The following GPC6 variants were observed in gnomAD, a reference collection of about 807,000 sequenced individuals.
The protein encoded by GPC6 is glypican-6.
A neutral mutation model predicts 55.2 loss-of-function variants in GPC6; 14 were observed. The ratio of observed to expected loss-of-function variants is 0.25; its 90% confidence interval spans 0.17 to 0.40. The LOEUF (loss-of-function observed/expected upper bound fraction) is 0.40, where lower values mean the gene tolerates loss of function less well. Ranked by LOEUF, GPC6 falls within the 10% of genes least tolerant of loss-of-function variation. The pLI, the probability that GPC6 is intolerant of heterozygous loss-of-function variation, is 1.00. For synonymous variants in GPC6, 278 were observed against 259.6 expected, an observed-to-expected ratio of 1.07 and a Z score of -0.68; for missense variants, 641 against 708.5, an observed-to-expected ratio of 0.90 and a Z score of 1.08.
intron 1 of GPC6, among the ~76,000 whole-genome samples, chr13:93,388,177 G>T (rs1011385810): frequency 6.6e-6 from 1 of 152,118 alleles, no homozygotes; most frequent in African/African-American, 2.4e-5. Flanking sequence ...TTTAAACCTA[G>T]GGCTTCTTGG....
At chr13:93,828,563 G>A (rs527415336) in intron 2 of GPC6, among the ~76,000 whole-genome samples, 1 of 151,922 alleles carries the variant, frequency 6.6e-6, no homozygotes, top group African/African-American at 2.4e-5. Flanking sequence ...TTTCTTTACC[G>A]AATCCCTAAA....
At chr13:93,723,546 T>A (rs1441499607) in intron 2 of GPC6, among the ~76,000 whole-genome samples, 1 of 152,028 alleles carries the variant, frequency 6.6e-6, no homozygotes, top group Non-Finnish European at 1.5e-5. Context: ...AGGAGTCAAC[T>A]AAGCCACACT....
chr13:93,270,739 C>T (rs968605839), intron 1 of GPC6, among the ~76,000 whole-genome samples: 4 of 138,992 alleles, frequency 2.9e-5, no homozygotes, highest in African/African-American at 8.0e-5. Flanking sequence ...AAAAAAAAAG[C>T]TCCAAGTGGA....
intron 1 of GPC6, among the ~76,000 whole-genome samples, chr13:93,488,308 T>A (rs1452107648): frequency 1.3e-5 from 2 of 152,206 alleles, no homozygotes; most frequent in African/African-American, 2.4e-5. Context: ...CTCATCCTTC[T>A]TTATGGCTGC....
chr13:94,332,617 G>T (rs1276047465), intron 6 of GPC6, among the ~76,000 whole-genome samples: 3 of 152,208 alleles, frequency 2.0e-5, no homozygotes, highest in Non-Finnish European at 4.4e-5. Context: ...CTTCTGAGTA[G>T]AGCTCAAAAC....
At chr13:94,243,479 G>C (rs1455773206) in intron 4 of GPC6, among the ~76,000 whole-genome samples, 1 of 152,046 alleles carries the variant, frequency 6.6e-6, no homozygotes, top group Non-Finnish European at 1.5e-5. Flanking sequence ...CCTTTGACAG[G>C]AGCACAATCA....
chr13:94,300,435 C>A (rs761580027), intron 5 of GPC6, among the ~76,000 whole-genome samples: 1 of 152,162 alleles, frequency 6.6e-6, no homozygotes, highest in Non-Finnish European at 1.5e-5. Flanking sequence ...ATCACCACAC[C>A]TCCTCTTCCT....
chr13:94,379,069 A>C (rs1037974748), intron 6 of GPC6, among the ~76,000 whole-genome samples: 37 of 152,290 alleles, frequency 2.4e-4, no homozygotes, highest in African/African-American at 8.4e-4. Flanking sequence ...CCAAAAAAAC[A>C]AAAAAACAAA....
chr13:94,282,747 G>A (rs1385487288), intron 4 of GPC6, among the ~76,000 whole-genome samples: 1 of 152,166 alleles, frequency 6.6e-6, no homozygotes, highest in Admixed American at 6.5e-5. Context: ...CCCTACACAT[G>A]CCCTCTCCAA....
chr13:94,394,666 G>C (rs1344888668), intron 7 of GPC6, among the ~76,000 whole-genome samples: 2 of 152,196 alleles, frequency 1.3e-5, no homozygotes, highest in South Asian at 2.1e-4. Context: ...TTTAGATTCA[G>C]GACTTACCTC....
rs77735951 is a variant in GPC6 at position 94,256,109 on chromosome 13, T to C, written c.878-30240T>C. 3.1e-3 allele frequency among the ~76,000 whole-genome samples: 472 copies of C among 152,222 alleles called. 18 individuals carry two copies. The East Asian group carries it at 0.073, about 24-fold the overall frequency. Reference sequence around the variant, plus strand: ...TAGAGACGTGTAGACTTCACATCTATTGGATCATGCCTGAAATAATTATCA... The same window carrying C: ...TAGAGACGTGTAGACTTCACATCTACTGGATCATGCCTGAAATAATTATCA... On this transcript the variant is annotated intron_variant, in intron 4 of 8. Transcript: ENST00000377047.
intron 3 of GPC6, among the ~76,000 whole-genome samples, chr13:93,960,158 C>A (rs1050730086): frequency 3.3e-5 from 5 of 152,176 alleles, no homozygotes; most frequent in African/African-American, 1.2e-4. Flanking sequence ...AGATGGTGGG[C>A]TTTCTCCTCT....
intron 1 of GPC6, among the ~76,000 whole-genome samples, chr13:93,406,151 G>A (rs1876284092): frequency 6.6e-6 from 1 of 152,168 alleles, no homozygotes; most frequent in African/African-American, 2.4e-5. Flanking sequence ...GCCTCTTGGT[G>A]GAAAGAGTGA....
chr13:93,631,489 A>T (rs1367087296), intron 2 of GPC6, among the ~76,000 whole-genome samples: 1 of 152,200 alleles, frequency 6.6e-6, no homozygotes, highest in East Asian at 1.9e-4. Flanking sequence ...TTGTTGTTTA[A>T]GCCACTGACT....
At chr13:93,542,393 T>G (rs1428525277) in intron 1 of GPC6, among the ~76,000 whole-genome samples, 2 of 152,194 alleles carry the variant, frequency 1.3e-5, no homozygotes, top group Non-Finnish European at 2.9e-5. Flanking sequence ...ATCTCTGTTT[T>G]GGTACCAGTA....
At chr13:93,767,969 C>G (rs1165499915) in intron 2 of GPC6, among the ~76,000 whole-genome samples, 1 of 151,892 alleles carries the variant, frequency 6.6e-6, no homozygotes, top group Non-Finnish European at 1.5e-5. Flanking sequence ...GAGTTACAAG[C>G]ACTATGGAAA....
At chr13:94,384,142 C>G (rs1331408831) in intron 7 of GPC6, among the ~76,000 whole-genome samples, 1 of 152,186 alleles carries the variant, frequency 6.6e-6, no homozygotes, top group Non-Finnish European at 1.5e-5. Context: ...AGCAAGATAC[C>G]TACACAAAGA....
rs190644073 is a variant in GPC6, at chr13:93,915,093, C to T, written c.711+84548C>T. Among the ~76,000 whole-genome samples the T allele has an allele frequency of 4.6e-3, 705 of 152,310 alleles. 4 individuals are homozygous for T. Among genetic ancestry groups the T allele is most frequent in the Middle Eastern group, 0.01 (3 of 294 alleles). On this transcript the variant is annotated intron_variant, in intron 3 of 8. Transcript: ENST00000377047. ...TGTTGTTAAAGGTGCTCTATATTTT[C>T]TTAGCCTCCCGTGCTTTCAGTCTTG...
At chr13:94,051,690 T>C (rs1594696909) in intron 4 of GPC6, among the ~76,000 whole-genome samples, 2 of 152,284 alleles carry the variant, frequency 1.3e-5, no homozygotes, top group South Asian at 2.1e-4. Context: ...AGGATATAAT[T>C]GTTTCTTTCA....
Sources: gnomAD v4.1 joint callset for allele counts (sites outside exome capture counted in the v4.1 genomes callset) on GRCh38, gnomAD v4.1.1 for gene constraint, MANE v1.5 for transcripts, NCBI Gene and HGNC (gene_info 2026-07-23, HGNC 2026-07-21) for gene names.